Variants in CHST11 observed in about 807,000 individuals in gnomAD.
CHST11 encodes carbohydrate sulfotransferase 11.
CHST11 carries 9 observed loss-of-function variants against 30.4 expected under a neutral mutation model. The observed-to-expected ratio is 0.30, with a 90% CI of 0.18 to 0.52. The LOEUF (loss-of-function observed/expected upper bound fraction) is 0.52, where lower values mean the gene tolerates loss of function less well. Ranked by LOEUF, CHST11 falls within the 20% of genes least tolerant of loss-of-function variation. The pLI is 0.97. For missense variants in CHST11, 348 were observed against 460.6 expected, an observed-to-expected ratio of 0.76 and a Z score of 2.24; for synonymous variants, 152 against 187.8, an observed-to-expected ratio of 0.81 and a Z score of 1.56.
At chr12:104,626,791 T>TC (rs2039220158) in intron 2 of CHST11, among the ~76,000 whole-genome samples, 1 of 151,670 alleles carries the variant, frequency 6.6e-6, no homozygotes, top group South Asian at 2.1e-4. Context: ...ATGCACGGCC[T>TC]CCCCCGTCAT....
chr12:104,708,621 C>T (rs1318565425), intron 2 of CHST11, among the ~76,000 whole-genome samples: 3 of 152,168 alleles, frequency 2.0e-5, no homozygotes, highest in Admixed American at 6.5e-5. Flanking sequence ...GGTGCCCCCT[C>T]CTAGCCAGCC....
chr12:104,466,595 C>T (rs1254058049), intron 1 of CHST11, among the ~76,000 whole-genome samples: 1 of 152,190 alleles, frequency 6.6e-6, no homozygotes, highest in Non-Finnish European at 1.5e-5. Flanking sequence ...ACATCTAGAA[C>T]CTTAGCTTCA....
chr12:104,521,323 A>G (rs2038071793), intron 1 of CHST11, among the ~76,000 whole-genome samples: 1 of 152,186 alleles, frequency 6.6e-6, no homozygotes, highest in South Asian at 2.1e-4. Context: ...ATATGATTAC[A>G]TGCAGGTTGG....
intron 2 of CHST11, among the ~76,000 whole-genome samples, chr12:104,624,622 G>T (rs912368147): frequency 1.3e-5 from 2 of 152,224 alleles, no homozygotes; most frequent in African/African-American, 4.8e-5. Flanking sequence ...TGAGAATGAG[G>T]TGGTATAATG....
intron 2 of CHST11, among the ~76,000 whole-genome samples, chr12:104,604,797 GA>G (rs1233053777): frequency 6.6e-6 from 1 of 152,170 alleles, no homozygotes; most frequent in East Asian, 1.9e-4. Flanking sequence ...ATATAATGGT[GA>G]AAACAGGAAC....
At chr12:104,672,884 A>G (rs2039708847) in intron 2 of CHST11, among the ~76,000 whole-genome samples, 1 of 152,198 alleles carries the variant, frequency 6.6e-6, no homozygotes, top group Admixed American at 6.5e-5. Context: ...ATGCTTGGCC[A>G]TACCTGCCCC....
At chr12:104,563,724 G>C (rs143574154) in intron 1 of CHST11, among the ~76,000 whole-genome samples, 82 of 152,008 alleles carry the variant, frequency 5.4e-4, no homozygotes, top group African/African-American at 1.8e-3. Flanking sequence ...GATGGTGGGG[G>C]TTGGTGTTCT....
intron 1 of CHST11, among the ~76,000 whole-genome samples, chr12:104,509,117 G>T (rs1300550373): frequency 1.3e-5 from 2 of 152,198 alleles, no homozygotes; most frequent in East Asian, 3.9e-4. Flanking sequence ...AGGATCCTGT[G>T]GGAGGTCATT....
chr12:104,486,982 A>G (rs2037685738), intron 1 of CHST11, among the ~76,000 whole-genome samples: 1 of 152,248 alleles, frequency 6.6e-6, no homozygotes, highest in South Asian at 2.1e-4. Flanking sequence ...ATACCAAAGC[A>G]AAGCACATTT....
intron 2 of CHST11, among the ~76,000 whole-genome samples, chr12:104,716,881 G>C (rs974590990): frequency 2.6e-5 from 4 of 152,206 alleles, no homozygotes; most frequent in Non-Finnish European, 5.9e-5. Flanking sequence ...TGGTTCTGGG[G>C]CTCAGAAATC....
chr12:104,619,640 C>T (rs1437643869), intron 2 of CHST11, among the ~76,000 whole-genome samples: 1 of 152,070 alleles, frequency 6.6e-6, no homozygotes, highest in Non-Finnish European at 1.5e-5. Flanking sequence ...GAAAGCAAGC[C>T]CCAAACAAGC....
chr12:104,584,087 T>C (rs993911328), intron 1 of CHST11, among the ~76,000 whole-genome samples: 1 of 152,214 alleles, frequency 6.6e-6, no homozygotes, highest in African/African-American at 2.4e-5. Flanking sequence ...TTGGGGAAAT[T>C]CCAACTCTTT....
intron 2 of CHST11, among the ~76,000 whole-genome samples, chr12:104,723,147 A>G (rs2040191602): frequency 6.6e-6 from 1 of 152,040 alleles, no homozygotes; most frequent in Non-Finnish European, 1.5e-5. Context: ...GAGTCATGAT[A>G]GCAGTCAGCA....
chr12:104,757,713 C>T lies in CHST11; in HGVS notation c.969C>T (p.Ser323=). Residue 323 remains serine, a synonymous_variant, in exon 3 of 3, where the codon AGC becomes AGT. Coordinates refer to ENST00000303694, the MANE Select transcript of CHST11 (RefSeq NM_018413.6). This position sits in a 1 kb window ranked among gnomAD's most constrained non-coding sequence, Gnocchi z 6.5. ...EMTTEFFQNI[S]SEHQTQLYEV... ...CCACAGAATTCTTCCAGAACATCAG[C>T]TCAGAGCACCAAACGCAGCTGTACG... 6.8e-6 allele frequency: 11 copies of T among 1,614,192 alleles called. No homozygotes were observed. The highest frequency in any genetic ancestry group is 9.3e-6 in the Non-Finnish European group (11 of 1,180,030).
chr12:104,551,969 T>C (rs1234729527), intron 1 of CHST11: 1 of 152,294 alleles, frequency 6.6e-6, no homozygotes, highest in East Asian at 1.9e-4. Flanking sequence ...AACTGGAAAC[T>C]TGATCTGCAG....
chr12:104,573,533 C>T (rs987873022), intron 1 of CHST11, among the ~76,000 whole-genome samples: 12 of 150,578 alleles, frequency 8.0e-5, no homozygotes, highest in Non-Finnish European at 1.3e-4. Context: ...TGGAACAGAA[C>T]AGAGCCCTCA....
chr12:104,710,166 C>T (rs1431287068), intron 2 of CHST11, among the ~76,000 whole-genome samples: 1 of 152,110 alleles, frequency 6.6e-6, no homozygotes, highest in Non-Finnish European at 1.5e-5. Flanking sequence ...CGCCACTGCA[C>T]TCCAGCCTGG....
chr12:104,722,172 G>GTGTGTGTGTGTGTGTT (rs2040183063), intron 2 of CHST11, among the ~76,000 whole-genome samples: 2 of 151,528 alleles, frequency 1.3e-5, no homozygotes, highest in Admixed American at 1.3e-4. Flanking sequence ...GTGTGTGTGT[G>GTGTGTGTGTGTGTGTT]TGTGTGTGTG....
At chr12:104,479,186 T>C (rs754511790) in intron 1 of CHST11, among the ~76,000 whole-genome samples, 2 of 151,878 alleles carry the variant, frequency 1.3e-5, no homozygotes, top group Non-Finnish European at 2.9e-5. Context: ...CCCTTTTTTT[T>C]GGCTCAGGGA....
Sources: gnomAD v4.1 joint callset for allele counts (sites outside exome capture counted in the v4.1 genomes callset) on GRCh38, gnomAD v4.1.1 for gene constraint, Gnocchi (gnomAD v3.1) non-coding constraint, MANE v1.5 for transcripts, NCBI Gene and HGNC (gene_info 2026-07-23, HGNC 2026-07-21) for gene names.